Variants in UTS2B observed in about 807,000 individuals in gnomAD.
UTS2B encodes the protein urotensin 2B.
Under a neutral mutation model 19.2 loss-of-function variants are expected in UTS2B, and 21 were observed. The observed-to-expected ratio is 1.09, with a 90% CI of 0.78 to 1.58. The LOEUF is 1.58. Among genes scored for constraint, UTS2B ranks in the 40% most tolerant of loss-of-function variants. The pLI is 0.00. For missense variants in UTS2B, 138 were observed against 130.3 expected, an observed-to-expected ratio of 1.06 and a Z score of -0.29; for synonymous variants, 57 against 50.2, an observed-to-expected ratio of 1.14 and a Z score of -0.58.
Position 191,268,428 on chromosome 3 carries a change from T to A in UTS2B, c.348A>T (p.Lys116Asn). ...SHPSKRACFW[K>N]YCV The stretch of plus-strand genomic sequence containing the variant: ...CAGAGAAAAAGCTTTAAACACAGTA[T>A]TTCCAAAAGCAAGCTAAAGAAGAAA... Residue 116 changes from lysine (K) to asparagine (N), a missense_variant, in exon 9 of 9, where the codon AAA (lysine) becomes AAT (asparagine). Transcript: ENST00000340524. 1.3e-6 allele frequency: 2 copies of A among 1,563,686 alleles called. No homozygotes were observed. The highest frequency in any genetic ancestry group is 1.2e-5 in the South Asian group (1 of 86,688).
chr3:191,299,093 C>G (rs146341263), intron 4 of UTS2B, among the ~76,000 whole-genome samples: 2 of 151,866 alleles, frequency 1.3e-5, no homozygotes, highest in Non-Finnish European at 1.5e-5. Flanking sequence ...AAGAAGTGAT[C>G]TGAAATTTGA....
At chr3:191,332,787 C>T (rs1718034487), upstream of UTS2B, among the ~76,000 whole-genome samples, 1 of 152,204 alleles carries the variant, frequency 6.6e-6, no homozygotes, top group African/African-American at 2.4e-5. Flanking sequence ...AGACTCCCTA[C>T]TTCCTTTTGC....
intron 7 of UTS2B, among the ~76,000 whole-genome samples, chr3:191,275,894 C>A (rs973504395): frequency 6.6e-6 from 1 of 152,042 alleles, no homozygotes; most frequent in Non-Finnish European, 1.5e-5. Context: ...CATGACTCAA[C>A]AAAAGATCAG....
intron 3 of UTS2B, among the ~76,000 whole-genome samples, chr3:191,310,832 C>T (rs1717281446): frequency 6.6e-6 from 1 of 152,194 alleles, no homozygotes; most frequent in Non-Finnish European, 1.5e-5. Context: ...CAAAAAAGTG[C>T]TGCTAACTTC....
intron 3 of UTS2B, among the ~76,000 whole-genome samples, chr3:191,313,805 A>G (rs1717371886): frequency 7.5e-6 from 1 of 133,924 alleles, no homozygotes; most frequent in Non-Finnish European, 1.5e-5. Flanking sequence ...ATCTCGGCTT[A>G]CTGCAACCTC....
chr3:191,295,401 T>A (rs1716831719), intron 4 of UTS2B, among the ~76,000 whole-genome samples: 1 of 152,016 alleles, frequency 6.6e-6, no homozygotes, highest in Non-Finnish European at 1.5e-5. Context: ...TCTTTTTTTC[T>A]CCTACTTTCC....
At chr3:191,293,599 T>A (rs1221967953) in intron 4 of UTS2B, among the ~76,000 whole-genome samples, 3 of 152,006 alleles carry the variant, frequency 2.0e-5, no homozygotes, top group Non-Finnish European at 1.5e-5. Context: ...GAAATTTGAT[T>A]ATATTTTTTA....
At chr3:191,309,956 CTT>C (rs1717252153) in intron 3 of UTS2B, among the ~76,000 whole-genome samples, 1 of 150,090 alleles carries the variant, frequency 6.7e-6, no homozygotes, top group Admixed American at 6.6e-5. Context: ...TTCTTTTTTC[CTT>C]TCTTTCTTTT....
At chr3:191,325,427 C>T (rs910522384) in intron 2 of UTS2B, among the ~76,000 whole-genome samples, 24 of 152,068 alleles carry the variant, frequency 1.6e-4, no homozygotes, top group Non-Finnish European at 7.4e-5. Context: ...GAGCAATGTC[C>T]CCAGGTGACC....
At chr3:191,336,579 C>G in the UTS2B span, among the ~76,000 whole-genome samples, 7 of 152,116 alleles carry the variant, frequency 4.6e-5, no homozygotes, top group African/African-American at 9.7e-5. Flanking sequence ...ACTAGATACA[C>G]AGTTTGCCCA....
At chr3:191,294,044 G>T (rs1716791974) in intron 4 of UTS2B, among the ~76,000 whole-genome samples, 1 of 151,740 alleles carries the variant, frequency 6.6e-6, no homozygotes, top group South Asian at 2.1e-4. Flanking sequence ...GGAGGGGGAG[G>T]TTGCGGTGAG....
At chr3:191,338,686 T>C in the UTS2B span, among the ~76,000 whole-genome samples, 1 of 152,208 alleles carries the variant, frequency 6.6e-6, no homozygotes, top group South Asian at 2.1e-4. Flanking sequence ...GTTTCCCCAT[T>C]GAAGCTCCAT....
chr3:191,287,470 TC>T (rs1716586987), intron 4 of UTS2B, among the ~76,000 whole-genome samples: 1 of 152,098 alleles, frequency 6.6e-6, no homozygotes, highest in Non-Finnish European at 1.5e-5. Flanking sequence ...ATAAATGTGA[TC>T]CACCGAATTA....
intron 2 of UTS2B, among the ~76,000 whole-genome samples, chr3:191,327,652 T>G (rs1295032712): frequency 6.6e-6 from 1 of 152,186 alleles, no homozygotes; most frequent in African/African-American, 2.4e-5. Flanking sequence ...TCTTTTGATT[T>G]TCTGCCAGTG....
At chr3:191,306,198 G>A (rs1203145456) in intron 3 of UTS2B, among the ~76,000 whole-genome samples, 2 of 152,130 alleles carry the variant, frequency 1.3e-5, no homozygotes, top group Non-Finnish European at 1.5e-5. Context: ...CTCTAGTGCT[G>A]TGAAGAATGT....
intron 1 of UTS2B, chr3:191,329,812 C>A: frequency 1.4e-6 from 2 of 1,390,030 alleles, no homozygotes; most frequent in South Asian, 1.3e-5. Flanking sequence ...TTTCGGCTCC[C>A]GCGGCCCTCG....
chr3:191,292,042 T>C (rs1052512194), intron 4 of UTS2B, among the ~76,000 whole-genome samples: 1 of 152,164 alleles, frequency 6.6e-6, no homozygotes, highest in African/African-American at 2.4e-5. Flanking sequence ...TCTAATGGTC[T>C]ATTGTGAAAA....
intron 4 of UTS2B, among the ~76,000 whole-genome samples, chr3:191,285,317 C>T: frequency 6.6e-6 from 1 of 151,648 alleles, no homozygotes; most frequent in Non-Finnish European, 1.5e-5. Context: ...ACGGTAAGCA[C>T]AAAGCAAAAA....
rs184380238 is a variant in UTS2B, at chr3:191,314,174, C to T, written c.-182+1862G>A. Among the ~76,000 whole-genome samples the T allele has an allele frequency of 5.9e-5, 9 of 152,276 alleles. No homozygotes were observed. In the East Asian group the frequency reaches 9.6e-4, roughly 16 times the overall value. ...TCTCTCTGGGGTCTGGTTCAAGGCCCGTATTTCCAGTGACAATTCATTCCC... is the reference window on the plus strand; with the variant it reads ...TCTCTCTGGGGTCTGGTTCAAGGCCTGTATTTCCAGTGACAATTCATTCCC... On this transcript the variant is annotated intron_variant, in intron 3 of 8. Coordinates refer to ENST00000340524, the MANE Select transcript of UTS2B (RefSeq NM_198152.5).
Sources: gnomAD v4.1 joint callset for allele counts (sites outside exome capture counted in the v4.1 genomes callset) on GRCh38, gnomAD v4.1.1 for gene constraint, MANE v1.5 for transcripts, NCBI Gene and HGNC (gene_info 2026-07-23, HGNC 2026-07-21) for gene names.